PALM2AKAP2: variants seen among roughly 807,000 people sequenced by gnomAD.
The protein encoded by PALM2AKAP2 is PALM2-AKAP2 fusion protein.
In PALM2AKAP2, 37 loss-of-function variants were observed where a neutral mutation model predicts 71.5. The observed-to-expected ratio is 0.52, with a 90% CI of 0.40 to 0.68. The LOEUF is 0.68. Among genes scored for constraint, PALM2AKAP2 ranks in the 30% least tolerant of loss-of-function variants. The probability of loss-of-function intolerance (pLI) is 0.00; values close to 1 mark genes in which losing one functional copy is unlikely to be tolerated. For missense variants in PALM2AKAP2, 1,224 were observed against 1,191.8 expected (o/e 1.03, Z -0.40); for synonymous variants, 468 against 478.8 (o/e 0.98, Z 0.29).
chr9:109,974,495 A>G (rs568983988), intron 6 of PALM2AKAP2, among the ~76,000 whole-genome samples: 1 of 152,112 alleles, frequency 6.6e-6, no homozygotes, highest in South Asian at 2.1e-4. Context: ...CAACAACCTG[A>G]GAGAGAAAGA....
intron 1 of PALM2AKAP2, among the ~76,000 whole-genome samples, chr9:109,841,328 G>T (rs890888000): frequency 5.7e-5 from 8 of 140,082 alleles, no homozygotes; most frequent in Non-Finnish European, 1.2e-4. Flanking sequence ...AGAACACTTG[G>T]ACACAGGAAG....
At chr9:109,923,938 G>A in intron 4 of PALM2AKAP2, 89 bp downstream of exon 4, 1 of 1,307,358 alleles carries the variant, frequency 7.6e-7, no homozygotes, top group Non-Finnish European at 1.0e-6. Flanking sequence ...CAGGCCAGTG[G>A]GCATTGATGA....
At chr9:109,789,379 A>C (rs1315759147) in intron 1 of PALM2AKAP2, among the ~76,000 whole-genome samples, 1 of 152,238 alleles carries the variant, frequency 6.6e-6, no homozygotes, top group African/African-American at 2.4e-5. Context: ...TGCCAGGAGA[A>C]GCAGCAACTG....
chr9:110,026,940 G>T (rs1833191698), intron 7 of PALM2AKAP2, among the ~76,000 whole-genome samples: 1 of 152,138 alleles, frequency 6.6e-6, no homozygotes, highest in Non-Finnish European at 1.5e-5. Flanking sequence ...CCACTCTGGA[G>T]GCTGAGGCAC....
chr9:109,988,576 A>T (rs926106737), intron 6 of PALM2AKAP2, among the ~76,000 whole-genome samples: 28 of 73,156 alleles, frequency 3.8e-4, no homozygotes, highest in Non-Finnish European at 1.0e-3. Flanking sequence ...AGGAGGAAGG[A>T]AGGAAAAAAG....
intron 1 of PALM2AKAP2, among the ~76,000 whole-genome samples, chr9:109,673,939 T>G (rs1191185731): frequency 6.6e-6 from 1 of 152,070 alleles, no homozygotes; most frequent in African/African-American, 2.4e-5. Context: ...TTTCTGTTTT[T>G]CATTCACTTG....
chr9:109,722,905 C>T (rs965900790), intron 1 of PALM2AKAP2, among the ~76,000 whole-genome samples: 10 of 152,180 alleles, frequency 6.6e-5, no homozygotes, highest in East Asian at 5.8e-4. Context: ...TTGCACAAGC[C>T]GTCTGCTCTG....
Position 109,706,024 on chromosome 9 carries a change from C to T in PALM2AKAP2, c.5+65158C>T, listed in dbSNP as rs749890888. 2.2e-4 allele frequency among the ~76,000 whole-genome samples: 33 copies of T among 152,068 alleles called. 1 individual carries two copies. Among genetic ancestry groups the T allele is most frequent in the Admixed American group, 1.6e-3 (24 of 15,272 alleles). ...ATGCTTGCCTCTAACTTCAAGTCTC[C>T]CCAGCAAGGGATCAAAATCGTGTAG... On this transcript the variant is annotated intron_variant, in intron 1 of 6. Coordinates refer to the PALM2AKAP2 transcript ENST00000374531.
At chr9:110,023,301 G>GTTTTTTT (rs1292412365) in intron 7 of PALM2AKAP2, among the ~76,000 whole-genome samples, 8 of 101,402 alleles carry the variant, frequency 7.9e-5, no homozygotes, top group African/African-American at 2.4e-4. Context: ...TCTCATTGTG[G>GTTTTTTT]TTTCTTTTTT....
At chr9:110,101,058 C>G (rs1254392075) in intron 1 of PALM2AKAP2, among the ~76,000 whole-genome samples, 1 of 152,106 alleles carries the variant, frequency 6.6e-6, no homozygotes, top group Non-Finnish European at 1.5e-5. Context: ...GAGTGAACAT[C>G]TTCTAGGATT....
chr9:110,105,439 G>A (rs1286546544), intron 1 of PALM2AKAP2, among the ~76,000 whole-genome samples: 3 of 152,190 alleles, frequency 2.0e-5, no homozygotes, highest in Admixed American at 2.0e-4. Context: ...TTTCTGTAAA[G>A]TTTTGGGCAG....
At chr9:109,958,110 C>G (rs773125208) in intron 6 of PALM2AKAP2, among the ~76,000 whole-genome samples, 3 of 151,524 alleles carry the variant, frequency 2.0e-5, no homozygotes, top group Non-Finnish European at 4.4e-5. Flanking sequence ...CCTTTCCTTC[C>G]CATTACAAAA....
chr9:109,814,888 TAG>T (rs371997141), intron 1 of PALM2AKAP2, among the ~76,000 whole-genome samples: 132 of 152,178 alleles, frequency 8.7e-4, no homozygotes, highest in African/African-American at 3.0e-3. Flanking sequence ...CCATTTTAGG[TAG>T]AGTTTGGATT....
intron 6 of PALM2AKAP2, among the ~76,000 whole-genome samples, chr9:109,992,339 C>T (rs1401978354): frequency 6.6e-6 from 1 of 152,226 alleles, no homozygotes; most frequent in East Asian, 1.9e-4. Flanking sequence ...AACTTGGCTA[C>T]ATCTGCAAAG....
At chr9:109,986,526 C>G (rs2132220108) in intron 6 of PALM2AKAP2, among the ~76,000 whole-genome samples, 1 of 152,296 alleles carries the variant, frequency 6.6e-6, no homozygotes, top group African/African-American at 2.4e-5. Context: ...GATTTTCAGG[C>G]AGATGCAAAT....
chr9:109,920,749 A>C (rs373287210), intron 3 of PALM2AKAP2, among the ~76,000 whole-genome samples: 1 of 152,150 alleles, frequency 6.6e-6, no homozygotes, highest in Non-Finnish European at 1.5e-5. Context: ...ATTTAAATCA[A>C]ATCTGCTCAG....
At chr9:109,721,892 A>G (rs757977000) in intron 1 of PALM2AKAP2, among the ~76,000 whole-genome samples, 5 of 152,222 alleles carry the variant, frequency 3.3e-5, no homozygotes, top group African/African-American at 4.8e-5. Flanking sequence ...TACCTAAATA[A>G]TTATATATGA....
chr9:109,668,618 T>TA (rs1423184406), intron 1 of PALM2AKAP2, among the ~76,000 whole-genome samples: 3 of 152,212 alleles, frequency 2.0e-5, no homozygotes, highest in Admixed American at 1.3e-4. Context: ...CTGGGGCACA[T>TA]AGAGTCTGTC....
chr9:109,784,498 G>A (rs1826909236), intron 1 of PALM2AKAP2, among the ~76,000 whole-genome samples: 1 of 152,244 alleles, frequency 6.6e-6, no homozygotes, highest in South Asian at 2.1e-4. Flanking sequence ...GACATTTAGT[G>A]TGAGAAAGGG....
Sources: allele counts gnomAD v4.1 joint callset (sites outside exome capture counted in the v4.1 genomes callset), GRCh38; gene constraint gnomAD v4.1.1; transcripts MANE v1.5; gene names NCBI Gene and HGNC (gene_info 2026-07-23, HGNC 2026-07-21).